Variants in RESF1 observed in about 807,000 individuals in gnomAD.
RESF1 encodes the protein gonad expressed transcript.
A neutral mutation model predicts 134.7 loss-of-function variants in RESF1; 65 were observed. The observed-to-expected ratio is 0.48, with a 90% CI of 0.40 to 0.59. The LOEUF (loss-of-function observed/expected upper bound fraction) is 0.59, where lower values mean the gene tolerates loss of function less well. RESF1 is among the 20% of genes least tolerant of loss of function. The pLI is 0.00. For synonymous variants in RESF1, 762 were observed against 702.2 expected (o/e 1.09, Z -1.35); for missense variants, 2,274 against 2,002.7 (o/e 1.14, Z -2.59).
rs1371020835 is a variant in RESF1 at position 31,987,313 on chromosome 12, C to G, written c.5077C>G (p.Gln1693Glu). ...ATKKRTQKDS[Q>E]ERDNVNSRLS... is the part of the protein sequence containing the mutation. ...AAAGAAAAGGACACAGAAAGACAGC[C>G]AAGAGAGAGGTAAAGTCATCTTTTT... Residue 1693 changes from glutamine (Q) to glutamate (E), a missense_variant, in exon 5 of 6, where the codon CAA (glutamine) becomes GAA (glutamate). By Grantham distance (29) the Gln-to-Glu change is conservative. Coordinates refer to ENST00000312561, the MANE Select transcript of RESF1 (RefSeq NM_018169.4). 6 of 1,593,626 alleles carry G rather than the reference C, an allele frequency of 3.8e-6. No homozygotes were observed. The highest frequency in any genetic ancestry group is 5.2e-6 in the Non-Finnish European group (6 of 1,163,404).
At position 31,983,882 on chromosome 12, in the gene RESF1, A is replaced by G. The variant is rs1939879997; in HGVS notation, c.2927A>G (p.Glu976Gly). 6.2e-7 allele frequency: 1 copy of G among 1,613,852 alleles called. No homozygotes were observed. Among genetic ancestry groups the G allele is most frequent in the East Asian group, 2.2e-5 (1 of 44,888 alleles). Reference sequence around the variant, plus strand: ...AAAATATGTGATCAGTCAAAGTCAGAGCCACCCTTAGAGTCATCTTTTAAC... The same window carrying G: ...AAAATATGTGATCAGTCAAAGTCAGGGCCACCCTTAGAGTCATCTTTTAAC... Reference protein sequence around the residue: ...SHKICDQSKSEPPLESSFNNL... With the variant: ...SHKICDQSKSGPPLESSFNNL... The change falls in exon 4 of 6, where the codon GAG (glutamate) becomes GGG (glycine). Residue 976 changes from glutamate to glycine, a missense_variant. Transcript: ENST00000312561.
chr12:31,983,819 A>C lies in RESF1; in HGVS notation c.2864A>C (p.Gln955Pro), dbSNP rs372843163. ...NTTENKDFGF[Q>P]KDKPVQCTDV... Reference sequence around the variant, plus strand: ...ACTGAAAATAAAGACTTTGGTTTTCAAAAAGATAAACCTGTACAGTGCACA... The same window carrying C: ...ACTGAAAATAAAGACTTTGGTTTTCCAAAAGATAAACCTGTACAGTGCACA... Residue 955 changes from glutamine to proline, a missense_variant, in exon 4 of 6, where the codon CAA becomes CCA. Physicochemically the swap from Gln to Pro is moderately conservative, Grantham distance 76 (BLOSUM62 -1). Coordinates refer to ENST00000312561, the MANE Select transcript of RESF1 (RefSeq NM_018169.4). 1.2e-6 allele frequency: 2 copies of C among 1,612,356 alleles called. No homozygotes were observed. Among genetic ancestry groups the C allele is most frequent in the Admixed American group, 3.3e-5 (2 of 59,732 alleles).
At chr12:31,965,526 G>A (rs139152660) in intron 2 of RESF1, among the ~76,000 whole-genome samples, 1 of 152,166 alleles carries the variant, frequency 6.6e-6, no homozygotes, top group Non-Finnish European at 1.5e-5. Context: ...TGCTTTGGCT[G>A]CCTTGCTTGT....
At chr12:31,991,342 C>T (rs1401653210) in intron 5 of RESF1, among the ~76,000 whole-genome samples, 2 of 152,196 alleles carry the variant, frequency 1.3e-5, no homozygotes, top group Non-Finnish European at 2.9e-5. Flanking sequence ...CCATCTGGGG[C>T]TTCAGTGTTA....
chr12:31,992,585 T>A lies in RESF1; in HGVS notation c.*50T>A. 6.5e-7 allele frequency: 1 copy of A among 1,545,888 alleles called. No homozygotes were observed. Among genetic ancestry groups the A allele is most frequent in the South Asian group, 1.2e-5 (1 of 86,642 alleles). On this transcript the variant is annotated 3_prime_UTR_variant, in exon 6 of 6. Coordinates refer to ENST00000312561, the MANE Select transcript of RESF1 (RefSeq NM_018169.4). The stretch of plus-strand genomic sequence containing the variant: ...CCACTGGGAAATTTCTTTCCTTTTC[T>A]GTTCAAAATATTTCGCTGAAACTAA...
At chr12:31,977,951 G>A (rs1423195158) in intron 3 of RESF1, among the ~76,000 whole-genome samples, 1 of 151,494 alleles carries the variant, frequency 6.6e-6, no homozygotes, top group African/African-American at 2.4e-5. Flanking sequence ...GACAACAGGT[G>A]TGCACACCTG....
chr12:31,980,951 C>T lies in RESF1; in HGVS notation c.-5C>T, dbSNP rs545808489. The T allele has an allele frequency of 1.6e-5, 26 of 1,588,520 alleles. No individual in the cohort carries two copies. The highest frequency in any genetic ancestry group is 1.3e-4 in the South Asian group (11 of 86,130). ...GTAATACACTGCTACTATATCAAAC[C>T]GACAATGAATTGGAATGAAAAACCA... On this transcript the variant is annotated 5_prime_UTR_variant, in exon 4 of 6. Transcript: ENST00000312561.
At chr12:31,965,943 CAG>C (rs1231628173) in intron 2 of RESF1, among the ~76,000 whole-genome samples, 2 of 150,470 alleles carry the variant, frequency 1.3e-5, no homozygotes, top group Admixed American at 6.6e-5. Context: ...TACCTCAACA[CAG>C]TGTTGTCTTA....
Position 31,985,785 on chromosome 12 carries a change from T to C in RESF1, c.4830T>C (p.Asp1610=). The C allele has an allele frequency of 6.4e-7, 1 of 1,568,320 alleles. No homozygotes were observed. Among genetic ancestry groups the C allele is most frequent in the South Asian group, 1.2e-5 (1 of 83,118 alleles). The change falls in exon 4 of 6, where the codon GAT becomes GAC. Residue 1610 remains aspartate (D), a synonymous_variant. Coordinates refer to ENST00000312561, the MANE Select transcript of RESF1 (RefSeq NM_018169.4). ...GTTCACCCAGGAAGCTTCATAAAGA[T>C]AAGAGACAGGAAAATAAACATAAGA... The part of the protein sequence containing the change: ...LESSPRKLHK[D]KRQENKHKTF...
intron 2 of RESF1, among the ~76,000 whole-genome samples, chr12:31,966,358 T>C (rs1371639677): frequency 6.6e-6 from 1 of 152,234 alleles, no homozygotes; most frequent in Non-Finnish European, 1.5e-5. Flanking sequence ...GTAGGGTAAC[T>C]GGCTTCCGCT....
intron 2 of RESF1, among the ~76,000 whole-genome samples, chr12:31,968,509 C>G (rs921966179): frequency 1.3e-5 from 2 of 150,618 alleles, no homozygotes; most frequent in African/African-American, 2.4e-5. Context: ...ACTGCAGTGG[C>G]GCTATCCCGG....
At chr12:31,967,425 G>A (rs1169955546) in intron 2 of RESF1, among the ~76,000 whole-genome samples, 2 of 152,188 alleles carry the variant, frequency 1.3e-5, no homozygotes, top group Non-Finnish European at 2.9e-5. Flanking sequence ...TAGTACAGAT[G>A]TACCTCAGCT....
chr12:31,977,266 C>T (rs1243504109), intron 3 of RESF1, among the ~76,000 whole-genome samples: 2 of 152,106 alleles, frequency 1.3e-5, no homozygotes, highest in Non-Finnish European at 2.9e-5. Context: ...CTGCAACCTC[C>T]GCCTCCCTGG....
At position 31,992,858 on chromosome 12, in the gene RESF1, TTA is replaced by T. The variant is rs1940126263; in HGVS notation, c.*324_*325del. 3.6e-6 allele frequency: 1 copy of T among 279,682 alleles called. No individual in the cohort carries two copies. Among genetic ancestry groups the T allele is most frequent in the African/African-American group, 2.3e-5 (1 of 43,848 alleles). The allele number at this position is 279,682 out of a possible 1,614,324, so 17.3% of individuals were successfully genotyped here. A position where few individuals can be genotyped will look rare whatever the true frequency, so the allele number is the denominator to read the frequency against. Reference sequence around the variant, plus strand: ...ATCTTGAGGGAGGACCGTTCCTCAGTTAAGGACTTGTTTATTTAAATGGGACT... The same window carrying T: ...ATCTTGAGGGAGGACCGTTCCTCAGTAGGACTTGTTTATTTAAATGGGACT... On this transcript the variant is annotated 3_prime_UTR_variant, in exon 6 of 6. Coordinates refer to ENST00000312561, the MANE Select transcript of RESF1 (RefSeq NM_018169.4).
Position 31,981,799 on chromosome 12 carries a change from TACA to T in RESF1, c.847_849del (p.Asn283del), listed in dbSNP as rs777726726. The T allele has an allele frequency of 5.6e-6, 9 of 1,613,778 alleles. No individual in the cohort carries two copies. In the Admixed American group the frequency reaches 1.3e-4, roughly 24 times the overall value. ...TGACAAAAGACCTCCTCCTCCTCCTTACAACTGTAGATATGGAAGCCAGCCTTT... is the reference window on the plus strand; with the variant it reads ...TGACAAAAGACCTCCTCCTCCTCCTTACTGTAGATATGGAAGCCAGCCTTT... On this transcript the variant is annotated inframe_deletion, in exon 4 of 6. Transcript: ENST00000312561.
rs531866977 is a variant in RESF1, at chr12:31,961,741, T to A, written c.-247+870T>A. Among the ~76,000 whole-genome samples the A allele has an allele frequency of 7.5e-4, 114 of 152,304 alleles. 1 individual carries two copies. Among genetic ancestry groups the A allele is most frequent in the African/African-American group, 2.6e-3 (108 of 41,566 alleles). Reference sequence around the variant, plus strand: ...CTGTCACTACTGGTCCACATCTGGATTTACCTGCAGGCTTGTTTGGAATAA... The same window carrying A: ...CTGTCACTACTGGTCCACATCTGGAATTACCTGCAGGCTTGTTTGGAATAA... On this transcript the variant is annotated intron_variant, in intron 2 of 5. Coordinates refer to ENST00000312561, the MANE Select transcript of RESF1 (RefSeq NM_018169.4).
At chr12:31,968,460 T>C (rs980286302) in intron 2 of RESF1, among the ~76,000 whole-genome samples, 10 of 151,568 alleles carry the variant, frequency 6.6e-5, no homozygotes, top group Non-Finnish European at 1.0e-4. Flanking sequence ...CTTTTTTTTT[T>C]TTTTTTGAGA....
Position 31,983,441 on chromosome 12 carries a change from C to G in RESF1, c.2486C>G (p.Thr829Ser), listed in dbSNP as rs759160656. 1 of 1,613,940 alleles carries G rather than the reference C, an allele frequency of 6.2e-7. No homozygotes were observed. Among genetic ancestry groups the G allele is most frequent in the Admixed American group, 1.7e-5 (1 of 59,990 alleles). ...SGPVASTATSTKIFPLTQKEK... is the reference protein window; with the variant it reads ...SGPVASTATSSKIFPLTQKEK... ...CCAGTAGCAAGTACAGCAACATCAACCAAGATTTTTCCACTAACTCAGAAG... is the reference window on the plus strand; with the variant it reads ...CCAGTAGCAAGTACAGCAACATCAAGCAAGATTTTTCCACTAACTCAGAAG... Residue 829 changes from threonine (T) to serine (S), a missense_variant, in exon 4 of 6, where the codon ACC becomes AGC. Transcript: ENST00000312561.
Position 31,982,011 on chromosome 12 carries a change from T to A in RESF1, c.1056T>A (p.Ser352Arg), listed in dbSNP as rs138010667. Residue 352 changes from serine (S) to arginine (R), a missense_variant, in exon 4 of 6, where the codon AGT (serine) becomes AGA (arginine). Coordinates refer to ENST00000312561, the MANE Select transcript of RESF1 (RefSeq NM_018169.4). ...VNTNSKQPFN[S>R]PIRSSVDGVQ... ...CCAACAGCAAACAGCCTTTTAACAG[T>A]CCCATTAGATCTTCTGTGGATGGTG... 1,643 of 1,614,066 alleles carry A rather than the reference T, an allele frequency of 1.0e-3. 16 individuals are homozygous for A. In the African/African-American group the frequency reaches 0.019, roughly 18 times the overall value.
Sources: allele counts gnomAD v4.1 joint callset (sites outside exome capture counted in the v4.1 genomes callset), GRCh38; gene constraint gnomAD v4.1.1; transcripts MANE v1.5; gene names NCBI Gene and HGNC (gene_info 2026-07-23, HGNC 2026-07-21).